Variants in DEFB124 observed in about 807,000 individuals in gnomAD.
DEFB124 encodes beta-defensin 124.
For synonymous variants in DEFB124, 38 were observed against 36.5 expected (o/e 1.04, Z -0.15); for missense variants, 78 against 83.1 (o/e 0.94, Z 0.24).
rs970065129 is a variant in DEFB124 at position 31,474,907 on chromosome 20, C to G, written c.-306G>C. On this transcript the variant is annotated 5_prime_UTR_variant, in exon 1 of 3. Coordinates refer to ENST00000317676, the MANE Select transcript of DEFB124 (RefSeq NM_001037500.2). ...CTTGTTTAAAACGCAGATTCCCGAA[C>G]CCCTCCCCCAGCACCGTGGAATCCG... Among the ~76,000 whole-genome samples, 2 of 152,212 alleles carry G rather than the reference C, an allele frequency of 1.3e-5. No homozygotes were observed. The highest frequency in any genetic ancestry group is 4.8e-5 in the African/African-American group (2 of 41,440).
At chr20:31,471,768 C>G (rs1400587449) in intron 2 of DEFB124, among the ~76,000 whole-genome samples, 1 of 143,304 alleles carries the variant, frequency 7.0e-6, no homozygotes, top group Non-Finnish European at 1.5e-5. Context: ...CCAGACGGGG[C>G]GGCGGGGCAG....
chr20:31,470,881 C>G (rs1479697297), intron 2 of DEFB124, among the ~76,000 whole-genome samples: 1 of 136,198 alleles, frequency 7.3e-6, no homozygotes, highest in African/African-American at 2.7e-5. Context: ...GGGCGGGGGG[C>G]TGAGCCCCCC....
intron 2 of DEFB124, among the ~76,000 whole-genome samples, chr20:31,468,838 G>A (rs987381180): frequency 2.0e-4 from 30 of 152,032 alleles, no homozygotes; most frequent in African/African-American, 6.0e-4. Context: ...CAAAGTTTCT[G>A]GCTGGGCTCA....
chr20:31,468,135 T>C (rs1980127220), intron 2 of DEFB124, among the ~76,000 whole-genome samples: 1 of 152,142 alleles, frequency 6.6e-6, no homozygotes, highest in Admixed American at 6.5e-5. Flanking sequence ...TCCTGCATGA[T>C]CTGCACTCTC....
intron 2 of DEFB124, chr20:31,472,502 C>A (rs1014864047): frequency 3.2e-5 from 5 of 155,608 alleles, no homozygotes; most frequent in Non-Finnish European, 4.2e-5. Context: ...TATCAGAGAC[C>A]TTCTCTGTCC....
chr20:31,466,384 G>T (rs1980082792), intron 2 of DEFB124, among the ~76,000 whole-genome samples: 1 of 151,770 alleles, frequency 6.6e-6, no homozygotes, highest in South Asian at 2.1e-4. Context: ...TGGATCACCT[G>T]GGGTCAGGAG....
chr20:31,470,409 G>A (rs1372744827), intron 2 of DEFB124, among the ~76,000 whole-genome samples: 2 of 144,266 alleles, frequency 1.4e-5, no homozygotes, highest in Middle Eastern at 3.9e-3. Flanking sequence ...TCCCGGACGG[G>A]GCGGCTGGCC....
In DEFB124 at chr20:31,466,337, C is replaced by T. The variant is rs551527618; in HGVS notation, c.59-674G>A. Reference sequence around the variant, plus strand: ...TTATCCAGCTGGGCACAGTGGCTCACGCCTGTAATCTCAGCACTTTGGGAG... The same window carrying T: ...TTATCCAGCTGGGCACAGTGGCTCATGCCTGTAATCTCAGCACTTTGGGAG... On this transcript the variant is annotated intron_variant, in intron 2 of 2. Coordinates refer to ENST00000317676, the MANE Select transcript of DEFB124 (RefSeq NM_001037500.2). Among the ~76,000 whole-genome samples the T allele has an allele frequency of 1.8e-3, 275 of 152,014 alleles. 1 individual carries two copies. Among genetic ancestry groups the T allele is most frequent in the African/African-American group, 5.8e-3 (240 of 41,414 alleles).
chr20:31,473,980 G>C (rs866312100), intron 1 of DEFB124, among the ~76,000 whole-genome samples: 86 of 152,304 alleles, frequency 5.6e-4, no homozygotes, highest in African/African-American at 1.9e-3. Context: ...AGGGGAAAAG[G>C]TATCCCGGGC....
Position 31,475,086 on chromosome 20 carries a change from C to G in DEFB124, c.-485G>C, listed in dbSNP as rs993879855. ...AATCCAGAGCCCCCATCCTTCCTTTCTCGTCTGCCACCCTCACCCGGTGCG... is the reference window on the plus strand; with the variant it reads ...AATCCAGAGCCCCCATCCTTCCTTTGTCGTCTGCCACCCTCACCCGGTGCG... On this transcript the variant is annotated 5_prime_UTR_variant, in exon 1 of 3. Transcript: ENST00000317676. The surrounding 1 kb of genome is among the most constrained non-coding windows in gnomAD (Gnocchi z 5.0). 6.6e-6 allele frequency among the ~76,000 whole-genome samples: 1 copy of G among 152,262 alleles called. No homozygotes were observed. The highest frequency in any genetic ancestry group is 1.5e-5 in the Non-Finnish European group (1 of 68,042).
intron 2 of DEFB124, among the ~76,000 whole-genome samples, chr20:31,469,139 T>C (rs1042954760): frequency 6.6e-6 from 1 of 152,140 alleles, no homozygotes; most frequent in African/African-American, 2.4e-5. Flanking sequence ...GAAAAAACTC[T>C]GGGCCGGGCA....
At chr20:31,466,087 G>C (rs1980076884) in intron 2 of DEFB124, among the ~76,000 whole-genome samples, 1 of 152,156 alleles carries the variant, frequency 6.6e-6, no homozygotes, top group Admixed American at 6.5e-5. Context: ...AACCCAGAGG[G>C]AGGAGATTGC....
intron 2 of DEFB124, among the ~76,000 whole-genome samples, chr20:31,472,417 G>GAGGGAGAGGGGAGAGGGGAGA (rs1255691941): frequency 1.4e-5 from 2 of 145,142 alleles, no homozygotes; most frequent in Non-Finnish European, 3.0e-5. Flanking sequence ...GGGAGACCGA[G>GAGGGAGAGGGGAGAGGGGAGA]AGGGAGAGGG....
At chr20:31,471,730 G>A (rs1194281185) in intron 2 of DEFB124, among the ~76,000 whole-genome samples, 4 of 150,444 alleles carry the variant, frequency 2.7e-5, no homozygotes, top group South Asian at 2.1e-4. Flanking sequence ...AGACGGGGTC[G>A]CAGCCTGGCA....
chr20:31,471,072 C>T (rs1980273372), intron 2 of DEFB124, among the ~76,000 whole-genome samples: 1 of 134,466 alleles, frequency 7.4e-6, no homozygotes, highest in Non-Finnish European at 1.6e-5. Context: ...CCCCACCTCC[C>T]TCCCGGACGT....
intron 2 of DEFB124, among the ~76,000 whole-genome samples, chr20:31,466,063 A>G (rs891896736): frequency 6.6e-6 from 1 of 152,138 alleles, no homozygotes; most frequent in African/African-American, 2.4e-5. Flanking sequence ...AGACTGAGGC[A>G]GGAGAATCAC....
intron 1 of DEFB124, among the ~76,000 whole-genome samples, chr20:31,473,812 T>A (rs201916058): frequency 6.6e-6 from 1 of 152,286 alleles, no homozygotes; most frequent in East Asian, 1.9e-4. Context: ...TAGTCATAGA[T>A]GAGAGTATGG....
chr20:31,475,089 G>A lies in DEFB124; in HGVS notation c.-488C>T, dbSNP rs1980441088. Among the ~76,000 whole-genome samples the A allele has an allele frequency of 6.6e-6, 1 of 152,206 alleles. No individual in the cohort carries two copies. Among genetic ancestry groups the A allele is most frequent in the Admixed American group, 6.5e-5 (1 of 15,280 alleles). On this transcript the variant is annotated 5_prime_UTR_variant, in exon 1 of 3. It adds an upstream start codon to the 5' untranslated region. Coordinates refer to ENST00000317676, the MANE Select transcript of DEFB124 (RefSeq NM_001037500.2). The surrounding 1 kb of genome is among the most constrained non-coding windows in gnomAD (Gnocchi z 5.0). ...CCAGAGCCCCCATCCTTCCTTTCTCGTCTGCCACCCTCACCCGGTGCGTAG... is the reference window on the plus strand; with the variant it reads ...CCAGAGCCCCCATCCTTCCTTTCTCATCTGCCACCCTCACCCGGTGCGTAG...
Position 31,472,978 on chromosome 20 carries a change from C to A in DEFB124, c.36G>T (p.Leu12=). 18 of 1,614,080 alleles carry A rather than the reference C, an allele frequency of 1.1e-5. No individual in the cohort carries two copies. Among genetic ancestry groups the A allele is most frequent in the Non-Finnish European group, 1.5e-5 (18 of 1,180,020 alleles). The change falls in exon 2 of 3, where the codon CTG becomes CTT. Residue 12 remains leucine (L), a synonymous_variant. Transcript: ENST00000317676. The part of the protein sequence containing the change: ...TQLLLFLVAL[L]VLGHVPSGRS... ...TACCTGATGGCACATGACCCAGAACCAGGAGAGCCACAAGGAACAGAAGCA... is the reference window on the plus strand; with the variant it reads ...TACCTGATGGCACATGACCCAGAACAAGGAGAGCCACAAGGAACAGAAGCA...
Sources: gnomAD v4.1 joint callset for allele counts (sites outside exome capture counted in the v4.1 genomes callset) on GRCh38, gnomAD v4.1.1 for gene constraint, Gnocchi (gnomAD v3.1) non-coding constraint, MANE v1.5 for transcripts, NCBI Gene and HGNC (gene_info 2026-07-23, HGNC 2026-07-21) for gene names.